DKK2: variants seen among roughly 807,000 people sequenced by gnomAD.
The protein encoded by DKK2 is dickkopf-related protein 2.
DKK2 carries 11 observed loss-of-function variants against 28.1 expected under a neutral mutation model. That is an observed-to-expected ratio of 0.39 (90% CI 0.25 to 0.65). The LOEUF is 0.65. Among genes scored for constraint, DKK2 ranks in the 30% least tolerant of loss-of-function variants. The pLI, the probability that DKK2 is intolerant of heterozygous loss-of-function variation, is 0.47. For synonymous variants in DKK2, 135 were observed against 126.5 expected (o/e 1.07, Z -0.45); for missense variants, 326 against 335.5 (o/e 0.97, Z 0.22).
chr4:106,983,316 A>AG (rs371268258), intron 1 of DKK2, among the ~76,000 whole-genome samples: 17 of 110,348 alleles, frequency 1.5e-4, no homozygotes, highest in African/African-American at 5.8e-4. Flanking sequence ...GAAGAAAGAA[A>AG]GAAGAAAGAA....
intron 1 of DKK2, among the ~76,000 whole-genome samples, chr4:106,928,148 C>A (rs1328926400): frequency 6.6e-6 from 1 of 151,946 alleles, no homozygotes; most frequent in African/African-American, 2.4e-5. Flanking sequence ...ATTAAAATGA[C>A]AAATATCTGA....
chr4:106,948,124 C>T (rs997278764), intron 1 of DKK2, among the ~76,000 whole-genome samples: 9 of 152,004 alleles, frequency 5.9e-5, no homozygotes, highest in East Asian at 1.9e-4. Context: ...AAGCCTACTC[C>T]GAGACTGTCA....
At chr4:106,968,410 G>A (rs1578361491) in intron 1 of DKK2, among the ~76,000 whole-genome samples, 2 of 152,232 alleles carry the variant, frequency 1.3e-5, no homozygotes, top group Middle Eastern at 6.8e-3. Context: ...GATGTAACCA[G>A]TTCTCACACA....
At chr4:107,017,645 A>T (rs1241578375) in intron 1 of DKK2, among the ~76,000 whole-genome samples, 1 of 151,996 alleles carries the variant, frequency 6.6e-6, no homozygotes. Flanking sequence ...TCTTGAAAAA[A>T]AAAACTTCAA....
intron 1 of DKK2, among the ~76,000 whole-genome samples, chr4:106,965,213 A>G (rs1722753894): frequency 6.6e-6 from 1 of 151,986 alleles, no homozygotes; most frequent in Non-Finnish European, 1.5e-5. Flanking sequence ...CACATAGGAT[A>G]GAAGTTTCAA....
chr4:106,965,178 A>C (rs1722753431), intron 1 of DKK2, among the ~76,000 whole-genome samples: 1 of 152,082 alleles, frequency 6.6e-6, no homozygotes, highest in African/African-American at 2.4e-5. Context: ...TGTCTTATAA[A>C]TTTTGTTTCT....
intron 1 of DKK2, among the ~76,000 whole-genome samples, chr4:106,939,288 A>T (rs2110343010): frequency 6.6e-6 from 1 of 152,340 alleles, no homozygotes; most frequent in East Asian, 1.9e-4. Context: ...ATCAATGTAC[A>T]AAAATCACAA....
At chr4:107,009,516 T>A (rs1327805943) in intron 1 of DKK2, among the ~76,000 whole-genome samples, 2 of 151,848 alleles carry the variant, frequency 1.3e-5, no homozygotes, top group Non-Finnish European at 2.9e-5. Flanking sequence ...TATCTGCAGC[T>A]GGGAGGGTGA....
At chr4:106,944,343 C>T (rs990334048) in intron 1 of DKK2, among the ~76,000 whole-genome samples, 3 of 152,026 alleles carry the variant, frequency 2.0e-5, no homozygotes, top group Non-Finnish European at 2.9e-5. Flanking sequence ...ATGGCATGTT[C>T]GTTTTCATCA....
intron 1 of DKK2, among the ~76,000 whole-genome samples, chr4:107,014,543 G>T (rs1302021259): frequency 6.6e-6 from 1 of 151,250 alleles, no homozygotes; most frequent in Non-Finnish European, 1.5e-5. Context: ...CAAAGTTACA[G>T]TTAGATAGGA....
chr4:107,021,427 T>C (rs1038290383), intron 1 of DKK2, among the ~76,000 whole-genome samples: 3 of 152,134 alleles, frequency 2.0e-5, no homozygotes, highest in Admixed American at 6.6e-5. Flanking sequence ...GTGACTAATA[T>C]GGAAAATAAT....
intron 1 of DKK2, among the ~76,000 whole-genome samples, chr4:106,994,254 A>G (rs10024653): frequency 0.053 from 8,022 of 152,278 alleles, 347 homozygotes; most frequent in African/African-American, 0.12. Flanking sequence ...CCGAGCCTTC[A>G]GAGCTTGCCT....
intron 1 of DKK2, among the ~76,000 whole-genome samples, chr4:106,971,880 AC>A (rs1722872594): frequency 6.6e-6 from 1 of 152,040 alleles, no homozygotes; most frequent in Non-Finnish European, 1.5e-5. Flanking sequence ...TCATTTGGTC[AC>A]CCACATTTTG....
intron 1 of DKK2, among the ~76,000 whole-genome samples, chr4:106,975,234 T>A (rs111673094): frequency 0.016 from 2,424 of 152,296 alleles, 26 homozygotes; most frequent in Middle Eastern, 0.034. Context: ...CAGGTTTTGG[T>A]ATCAGGATGA....
chr4:107,018,750 A>T (rs996924318), intron 1 of DKK2, among the ~76,000 whole-genome samples: 4 of 152,068 alleles, frequency 2.6e-5, no homozygotes, highest in Admixed American at 2.6e-4. Flanking sequence ...AATCATTGAA[A>T]ATCTGGTCAA....
At chr4:107,002,947 T>C (rs779849687) in intron 1 of DKK2, among the ~76,000 whole-genome samples, 5 of 152,150 alleles carry the variant, frequency 3.3e-5, no homozygotes, top group Non-Finnish European at 7.4e-5. Flanking sequence ...ATCCTTAATA[T>C]AGCATTAGGT....
intron 1 of DKK2, among the ~76,000 whole-genome samples, chr4:107,006,431 A>T (rs1441756659): frequency 2.0e-5 from 3 of 152,176 alleles, no homozygotes. Flanking sequence ...CTCTTTCTGC[A>T]CTTAGCAGCA....
intron 1 of DKK2, among the ~76,000 whole-genome samples, chr4:106,951,118 C>CTGCT (rs543034879): frequency 4.7e-4 from 72 of 151,910 alleles, no homozygotes; most frequent in African/African-American, 1.7e-3. Flanking sequence ...TCAAATTTAC[C>CTGCT]TGCCTCTTGT....
chr4:106,960,851 A>G (rs1297848844), intron 1 of DKK2, among the ~76,000 whole-genome samples: 2 of 152,170 alleles, frequency 1.3e-5, no homozygotes, highest in African/African-American at 4.8e-5. Context: ...TATAAAATCA[A>G]TGAAGTGGAC....
Sources: allele counts gnomAD v4.1 joint callset (sites outside exome capture counted in the v4.1 genomes callset), GRCh38; gene constraint gnomAD v4.1.1; transcripts MANE v1.5; gene names NCBI Gene and HGNC (gene_info 2026-07-23, HGNC 2026-07-21).